The following CTNND2 variants were observed in gnomAD, a reference collection of about 807,000 sequenced individuals.
The protein encoded by CTNND2 is catenin delta 2.
CTNND2 carries 22 observed loss-of-function variants against 144.4 expected under a neutral mutation model. The observed-to-expected ratio is 0.15, with a 90% CI of 0.11 to 0.22. CTNND2 has a LOEUF of 0.22. CTNND2 is among the 10% of genes least tolerant of loss of function. The pLI, the probability that CTNND2 is intolerant of heterozygous loss-of-function variation, is 1.00. For missense variants in CTNND2, 1,353 were observed against 1,618.8 expected, an observed-to-expected ratio of 0.84 and a Z score of 2.82; for synonymous variants, 751 against 695.6, an observed-to-expected ratio of 1.08 and a Z score of -1.25.
At chr5:11,185,167 T>C (rs1316670962) in intron 11 of CTNND2, among the ~76,000 whole-genome samples, 1 of 152,220 alleles carries the variant, frequency 6.6e-6, no homozygotes, top group Non-Finnish European at 1.5e-5. Flanking sequence ...TAAAACCCAT[T>C]TCAAATGTTG....
chr5:11,095,443 T>A (rs1297566060), intron 15 of CTNND2, among the ~76,000 whole-genome samples: 1 of 152,226 alleles, frequency 6.6e-6, no homozygotes, highest in African/African-American at 2.4e-5. Context: ...ACATAATATG[T>A]GCTACCAAAT....
In CTNND2 at chr5:11,122,582, G is replaced by A. The variant is rs183042437; in HGVS notation, c.2160-5015C>T. Among the ~76,000 whole-genome samples the A allele has an allele frequency of 7.2e-5, 11 of 151,964 alleles. No homozygotes were observed. In the South Asian group the frequency reaches 1.0e-3, roughly 14 times the overall value. Reference sequence around the variant, plus strand: ...TGGGTCCAGCCCTGCTATAATCACCGTCCATCAGGTGGCCCAGCCCTTCAC... The same window carrying A: ...TGGGTCCAGCCCTGCTATAATCACCATCCATCAGGTGGCCCAGCCCTTCAC... On this transcript the variant is annotated intron_variant, in intron 12 of 21. Transcript: ENST00000304623.
At chr5:11,567,043 C>T (rs61763030) in intron 2 of CTNND2, among the ~76,000 whole-genome samples, 1,539 of 152,224 alleles carry the variant, frequency 0.01, 11 homozygotes, top group Non-Finnish European at 0.015. Flanking sequence ...TTTTGGAAGA[C>T]GTTTTTGCTC....
chr5:11,039,507 G>A (rs890015451), intron 16 of CTNND2, among the ~76,000 whole-genome samples: 2 of 152,114 alleles, frequency 1.3e-5, no homozygotes, highest in African/African-American at 4.8e-5. Flanking sequence ...CTCCACATCT[G>A]CCCCTTTGCT....
At chr5:11,080,282 T>C (rs557944953) in intron 16 of CTNND2, among the ~76,000 whole-genome samples, 1 of 152,214 alleles carries the variant, frequency 6.6e-6, no homozygotes, top group Admixed American at 6.5e-5. Flanking sequence ...CTCACACCTA[T>C]CAGAACAGTA....
intron 3 of CTNND2, among the ~76,000 whole-genome samples, chr5:11,478,746 C>A (rs1258352352): frequency 1.3e-5 from 2 of 152,128 alleles, no homozygotes; most frequent in Admixed American, 1.3e-4. Flanking sequence ...GTCTGGAAAG[C>A]AATGTTAGTC....
intron 10 of CTNND2, among the ~76,000 whole-genome samples, chr5:11,217,455 TAA>T (rs570404900): frequency 2.0e-5 from 3 of 152,194 alleles, no homozygotes; most frequent in Non-Finnish European, 4.4e-5. Context: ...CTTGTTCTGA[TAA>T]AGAGTCATAG....
intron 1 of CTNND2, among the ~76,000 whole-genome samples, chr5:11,802,609 T>C (rs1791757126): frequency 6.6e-6 from 1 of 152,146 alleles, no homozygotes; most frequent in Non-Finnish European, 1.5e-5. Flanking sequence ...TATGTAAGTA[T>C]TTCAGTTAAT....
intron 18 of CTNND2, among the ~76,000 whole-genome samples, chr5:11,000,996 G>C (rs575876684): frequency 1.3e-5 from 2 of 152,264 alleles, no homozygotes; most frequent in South Asian, 4.2e-4. Context: ...TTTTTAAAGT[G>C]CTAAATCCCA....
intron 9 of CTNND2, among the ~76,000 whole-genome samples, chr5:11,301,252 C>T (rs377631382): frequency 2.1e-4 from 32 of 152,188 alleles, no homozygotes; most frequent in South Asian, 8.3e-4. Context: ...CTCCTGACCT[C>T]GTGAGTTGCC....
intron 12 of CTNND2, among the ~76,000 whole-genome samples, chr5:11,129,123 ATATATATTTATATATATTATAT>A (rs1561352361): frequency 6.7e-4 from 10 of 14,890 alleles, no homozygotes; most frequent in East Asian, 2.0e-3. Context: ...ATTATATATA[ATATATATTTATATATATTATAT>A]ATAAAATATA....
chr5:11,763,766 A>C (rs1789413166), intron 1 of CTNND2, among the ~76,000 whole-genome samples: 1 of 152,182 alleles, frequency 6.6e-6, no homozygotes. Context: ...CAATGAGTAC[A>C]GTGGAAATTA....
intron 10 of CTNND2, among the ~76,000 whole-genome samples, chr5:11,215,949 G>C (rs1369104325): frequency 1.3e-5 from 2 of 152,196 alleles, no homozygotes; most frequent in Non-Finnish European, 2.9e-5. Context: ...AACGAGAGTT[G>C]GGACTTATTC....
chr5:11,584,698 T>C (rs771816204), intron 2 of CTNND2, among the ~76,000 whole-genome samples: 3 of 152,148 alleles, frequency 2.0e-5, no homozygotes, highest in Non-Finnish European at 4.4e-5. Context: ...ATAACAAAAA[T>C]GCACCCACTT....
intron 9 of CTNND2, among the ~76,000 whole-genome samples, chr5:11,323,230 T>C (rs1159434276): frequency 3.7e-4 from 21 of 57,052 alleles, no homozygotes; most frequent in African/African-American, 1.1e-3. Context: ...CATTTAGAGA[T>C]TGGGGGGGGG....
intron 3 of CTNND2, among the ~76,000 whole-genome samples, chr5:11,472,211 C>A (rs939300471): frequency 6.6e-6 from 1 of 152,138 alleles, no homozygotes; most frequent in Non-Finnish European, 1.5e-5. Context: ...TTAATAGAAT[C>A]TCAACTGTTG....
rs1738155334 is a variant in CTNND2 at position 11,904,226 on chromosome 5, G to C, written c.-373C>G. Among the ~76,000 whole-genome samples the C allele has an allele frequency of 2.1e-5, 3 of 145,160 alleles. No homozygotes were observed. In the South Asian group the frequency reaches 6.3e-4, roughly 31 times the overall value. On this transcript the variant is annotated 5_prime_UTR_variant, in exon 1 of 22. Coordinates refer to ENST00000304623, the MANE Select transcript of CTNND2 (RefSeq NM_001332.4). The surrounding 1 kb of genome is among the most constrained non-coding windows in gnomAD (Gnocchi z 4.2). ...TCCGCTCAGCCGGCTGTCGCCGCGG[G>C]CGCGAGCCTGGGGCCGCCGCGGCGC...
intron 1 of CTNND2, among the ~76,000 whole-genome samples, chr5:11,795,793 G>A (rs998878291): frequency 2.0e-5 from 3 of 152,202 alleles, no homozygotes; most frequent in Non-Finnish European, 4.4e-5. Context: ...TACTCAGTAA[G>A]GTTTCTATTG....
At chr5:11,603,271 T>C (rs950497066) in intron 2 of CTNND2, among the ~76,000 whole-genome samples, 13 of 152,198 alleles carry the variant, frequency 8.5e-5, no homozygotes, top group African/African-American at 3.1e-4. Flanking sequence ...CACCTACTTT[T>C]GCAGTATGAA....
Sources: allele counts gnomAD v4.1 joint callset (sites outside exome capture counted in the v4.1 genomes callset), GRCh38; gene constraint gnomAD v4.1.1; non-coding constraint Gnocchi (gnomAD v3.1); transcripts MANE v1.5; gene names NCBI Gene and HGNC (gene_info 2026-07-23, HGNC 2026-07-21).